CENPP: variants seen among roughly 807,000 people sequenced by gnomAD.
CENPP encodes the protein centromere protein P.
CENPP carries 24 observed loss-of-function variants against 35.6 expected under a neutral mutation model. That is an observed-to-expected ratio of 0.67 (90% CI 0.49 to 0.95). The LOEUF (loss-of-function observed/expected upper bound fraction) is 0.95. Among genes scored for constraint, CENPP ranks in the 40% least tolerant of loss-of-function variants. CENPP has a pLI of 0.00. For missense variants in CENPP, 332 were observed against 345.3 expected, an observed-to-expected ratio of 0.96 and a Z score of 0.31; for synonymous variants, 120 against 125.5, an observed-to-expected ratio of 0.96 and a Z score of 0.29.
intron 3 of CENPP, among the ~76,000 whole-genome samples, chr9:92,342,728 G>A (rs141418338): frequency 1.7e-4 from 26 of 152,268 alleles, no homozygotes; most frequent in Non-Finnish European, 3.4e-4. Flanking sequence ...GGACTATCTC[G>A]TTTCTCTTTA....
intron 5 of CENPP, among the ~76,000 whole-genome samples, chr9:92,399,772 G>T (rs187310329): frequency 3.9e-5 from 6 of 152,262 alleles, no homozygotes; most frequent in African/African-American, 1.4e-4. Flanking sequence ...TTGCTTCAGT[G>T]ATTTAGGTTG....
At chr9:92,401,025 CA>C in intron 5 of CENPP, 1 of 758,734 alleles carries the variant, frequency 1.3e-6, no homozygotes. Flanking sequence ...TTGATTACCA[CA>C]AGGAATAAAG....
At chr9:92,563,786 TTCCTCCTCC>T (rs3996298) in intron 5 of CENPP, among the ~76,000 whole-genome samples, 3 of 143,032 alleles carry the variant, frequency 2.1e-5, no homozygotes, top group Admixed American at 6.9e-5. Flanking sequence ...CCTACCCCTC[TTCCTCCTCC>T]TCCTCCTCCT....
intron 5 of CENPP, among the ~76,000 whole-genome samples, chr9:92,439,287 A>G (rs1004709968): frequency 6.6e-6 from 1 of 152,148 alleles, no homozygotes; most frequent in Non-Finnish European, 1.5e-5. Flanking sequence ...TCCATAGCTT[A>G]TTAGAATAAG....
chr9:92,555,825 C>T (rs1849712417), intron 5 of CENPP, among the ~76,000 whole-genome samples: 1 of 152,052 alleles, frequency 6.6e-6, no homozygotes, highest in Non-Finnish European at 1.5e-5. Flanking sequence ...TTTTATTTAT[C>T]TTTTCAAAGA....
At chr9:92,456,905 T>C in intron 5 of CENPP, 1 of 998,758 alleles carries the variant, frequency 1.0e-6, no homozygotes, top group Non-Finnish European at 1.2e-6. Flanking sequence ...TAACAGCAAA[T>C]GAAAGAGCAC....
At chr9:92,370,448 C>T (rs1841981837) in intron 4 of CENPP, among the ~76,000 whole-genome samples, 1 of 152,002 alleles carries the variant, frequency 6.6e-6, no homozygotes, top group South Asian at 2.1e-4. Context: ...CCTTCTGGTC[C>T]TGGTCTTTTC....
intron 5 of CENPP, among the ~76,000 whole-genome samples, chr9:92,573,239 C>G (rs1850192148): frequency 6.6e-6 from 1 of 152,098 alleles, no homozygotes; most frequent in Admixed American, 6.6e-5. Context: ...TTTTATCCAC[C>G]TTTGGTCTTT....
intron 4 of CENPP, among the ~76,000 whole-genome samples, chr9:92,351,395 G>A (rs992439685): frequency 3.3e-5 from 5 of 151,060 alleles, no homozygotes; most frequent in South Asian, 2.1e-4. Context: ...CAGGAGAATC[G>A]CTTGAACCTG....
intron 5 of CENPP, among the ~76,000 whole-genome samples, chr9:92,472,141 C>A (rs1380204067): frequency 6.6e-6 from 1 of 151,122 alleles, no homozygotes. Flanking sequence ...CACTTAAGGT[C>A]AGGAGTTGTA....
At chr9:92,475,075 T>A in intron 5 of CENPP, 1 of 800,318 alleles carries the variant, frequency 1.2e-6, no homozygotes, top group Non-Finnish European at 1.8e-6. Flanking sequence ...TGGAAAGCAA[T>A]TCAGCAATGT....
intron 5 of CENPP, chr9:92,482,435 C>T (rs1845943733): frequency 6.6e-6 from 1 of 152,164 alleles, no homozygotes; most frequent in Non-Finnish European, 1.5e-5. Context: ...CCCTTCAACA[C>T]AGTCCTGGTG....
intron 5 of CENPP, among the ~76,000 whole-genome samples, chr9:92,587,207 C>A (rs888292627): frequency 6.6e-6 from 1 of 152,152 alleles, no homozygotes; most frequent in African/African-American, 2.4e-5. Context: ...CGGTGGCTCA[C>A]GCCTGTAATC....
At chr9:92,391,754 A>G (rs1842697058) in intron 5 of CENPP, among the ~76,000 whole-genome samples, 1 of 152,214 alleles carries the variant, frequency 6.6e-6, no homozygotes, top group South Asian at 2.1e-4. Context: ...TACCTTGTTC[A>G]ACCTCAGATG....
At chr9:92,536,182 A>T in intron 5 of CENPP, 1 of 370,954 alleles carries the variant, frequency 2.7e-6, no homozygotes. Flanking sequence ...TATTTTTTTT[A>T]ATCATAAGAA....
At chr9:92,330,368 T>C (rs749853387) in intron 1 of CENPP, among the ~76,000 whole-genome samples, 1 of 152,220 alleles carries the variant, frequency 6.6e-6, no homozygotes, top group Non-Finnish European at 1.5e-5. Flanking sequence ...GTTACTGGCA[T>C]AGAGGAGCTA....
At position 92,619,451 on chromosome 9, in the gene CENPP, G is replaced by C. The variant is rs1328315279; in HGVS notation, c.*6302G>C. 1 of 1,526,380 alleles carries C rather than the reference G, an allele frequency of 6.6e-7. No homozygotes were observed. The highest frequency in any genetic ancestry group is 1.9e-5 in the Admixed American group (1 of 51,456). 94.6% of individuals were successfully genotyped at this position (1,526,380 alleles called of 1,614,324 possible). A position where few individuals can be genotyped will look rare whatever the true frequency, so the allele number is the denominator to read the frequency against. On this transcript the variant is annotated 3_prime_UTR_variant, in exon 8 of 8. Transcript: ENST00000375587. ...ACCAACTGTCCATAAAACCCCGTTA[G>C]ACCCAGGCTGCATGCCTTGCAGTGG...
At chr9:92,550,975 G>C (rs913446764) in intron 5 of CENPP, among the ~76,000 whole-genome samples, 5 of 152,182 alleles carry the variant, frequency 3.3e-5, no homozygotes, top group African/African-American at 1.2e-4. Context: ...GGGGTTGCTT[G>C]CACTAGCAGT....
At chr9:92,566,169 C>T (rs772754629) in intron 5 of CENPP, among the ~76,000 whole-genome samples, 2 of 151,700 alleles carry the variant, frequency 1.3e-5, no homozygotes, top group South Asian at 2.1e-4. Flanking sequence ...GGCGTGATGT[C>T]GGGTGCCTGT....
Sources: allele counts gnomAD v4.1 joint callset (sites outside exome capture counted in the v4.1 genomes callset), GRCh38; gene constraint gnomAD v4.1.1; transcripts MANE v1.5; gene names NCBI Gene and HGNC (gene_info 2026-07-23, HGNC 2026-07-21).